The following UTP25 variants were observed in gnomAD, a reference collection of about 807,000 sequenced individuals.
UTP25 encodes U3 small nucleolar RNA-associated protein 25 homolog.
UTP25 carries 50 observed loss-of-function variants against 78.9 expected under a neutral mutation model. That is an observed-to-expected ratio of 0.63 (90% CI 0.50 to 0.80). UTP25 has a LOEUF of 0.80. Among genes scored for constraint, UTP25 ranks in the 30% least tolerant of loss-of-function variants. UTP25 has a pLI of 0.00. For missense variants in UTP25, 846 were observed against 911.3 expected (o/e 0.93, Z 0.92); for synonymous variants, 329 against 336.5 (o/e 0.98, Z 0.24).
In UTP25 at chr1:209,840,963, A is replaced by G. The variant is rs754830610; in HGVS notation, c.1393A>G (p.Lys465Glu). 6.2e-7 allele frequency: 1 copy of G among 1,614,054 alleles called. No homozygotes were observed. Among genetic ancestry groups the G allele is most frequent in the Non-Finnish European group, 8.5e-7 (1 of 1,179,960 alleles). ...GACCATCATTGGTGGAGAAGGAGAG[A>G]AGAAGAGAGATTTTGACTTTCTGTC... ...LRTIIGGEGEKKRDFDFLSSI... is the reference protein window; with the variant it reads ...LRTIIGGEGEEKRDFDFLSSI... Residue 465 changes from lysine to glutamate, a missense_variant, in exon 8 of 12, where the codon AAG becomes GAG. Physicochemically the swap from Lys to Glu is moderately conservative, Grantham distance 56. Transcript: ENST00000491415.
chr1:209,837,064 G>A lies in UTP25; in HGVS notation c.915G>A (p.Glu305=). Residue 305 remains glutamate (E), a synonymous_variant, in exon 6 of 12, where the codon GAG becomes GAA. Transcript: ENST00000491415. ...GGACTGCTCTGAAGAACGGGGAAGA[G>A]ATCCGCCATGTGTATTGCCTGCATG... The part of the protein sequence containing the change: ...PERTALKNGE[E]IRHVYCLHVI... 2 of 1,614,160 alleles carry A rather than the reference G, an allele frequency of 1.2e-6. No homozygotes were observed. The highest frequency in any genetic ancestry group is 1.7e-6 in the Non-Finnish European group (2 of 1,180,016).
In UTP25 at chr1:209,857,151, T is replaced by C. The variant is rs2078283312; in HGVS notation, c.*5704T>C. The C allele has an allele frequency of 6.6e-6, 1 of 152,148 alleles. No homozygotes were observed. Among genetic ancestry groups the C allele is most frequent in the African/African-American group, 2.4e-5 (1 of 41,444 alleles). The allele number at this position is 152,148 out of a possible 1,614,324, so 9.4% of individuals were successfully genotyped here. On this transcript the variant is annotated 3_prime_UTR_variant, in exon 12 of 12. Coordinates refer to ENST00000491415, the MANE Select transcript of UTP25 (RefSeq NM_014388.7). Reference sequence around the variant, plus strand: ...AATTCCTTCAAGGATGGGGTGCTCATTGTGGCTTTTCTAATCATCTCTGAT... The same window carrying C: ...AATTCCTTCAAGGATGGGGTGCTCACTGTGGCTTTTCTAATCATCTCTGAT...
Position 209,842,610 on chromosome 1 carries a change from G to A in UTP25, c.1696G>A (p.Gly566Ser), listed in dbSNP as rs2078173999. The change falls in exon 10 of 12, where the codon GGC becomes AGC. Residue 566 changes from glycine to serine, a missense_variant. By Grantham distance (56) the Gly-to-Ser change is moderately conservative. Transcript: ENST00000491415. ...GGCCGTGAGGAATGTCCCAATGACA[G>A]GCTCTATCAGTCATGTCCTGGTGCA... ...QVAVRNVPMT[G>S]SISHVLVQLP... 4 of 1,613,820 alleles carry A rather than the reference G, an allele frequency of 2.5e-6. No homozygotes were observed. The highest frequency in any genetic ancestry group is 2.5e-6 in the Non-Finnish European group (3 of 1,179,946).
rs2102564826 is a variant in UTP25 at position 209,828,104 on chromosome 1, A to T, written c.41A>T (p.Asn14Ile). The T allele has an allele frequency of 1.2e-6, 2 of 1,614,166 alleles. No individual in the cohort carries two copies. Among genetic ancestry groups the T allele is most frequent in the East Asian group, 4.5e-5 (2 of 44,870 alleles). Residue 14 changes from asparagine (N) to isoleucine (I), a missense_variant, in exon 1 of 12, where the codon AAC becomes ATC. Transcript: ENST00000491415. ...AGCCGGAGCCAGAGCCAGCTACTCAACACCCTAACTAAAAAGCAGAAGAAA... is the reference window on the plus strand; with the variant it reads ...AGCCGGAGCCAGAGCCAGCTACTCATCACCCTAACTAAAAAGCAGAAGAAA... The part of the protein sequence containing the change: ...RGSRSQSQLL[N>I]TLTKKQKKHL...
intron 11 of UTP25, among the ~76,000 whole-genome samples, chr1:209,848,791 T>A (rs1340774653): frequency 6.6e-6 from 1 of 152,246 alleles, no homozygotes; most frequent in African/African-American, 2.4e-5. Context: ...CTTTTCTTGC[T>A]TTTTTGTGTC....
At position 209,857,374 on chromosome 1, in the gene UTP25, T is replaced by TA. The variant is rs1342755009; in HGVS notation, c.*5933dup. ...TGAAAAGTTATTCTTTTAATCTTAT[T>TA]AAAAAAGCAACCCATGCCCATTCCA... On this transcript the variant is annotated 3_prime_UTR_variant, in exon 12 of 12. Coordinates refer to ENST00000491415, the MANE Select transcript of UTP25 (RefSeq NM_014388.7). 1.3e-5 allele frequency: 2 copies of TA among 152,058 alleles called. No homozygotes were observed. Among genetic ancestry groups the TA allele is most frequent in the Non-Finnish European group, 2.9e-5 (2 of 68,024 alleles). The allele number at this position is 152,058 out of a possible 1,614,324, so 9.4% of individuals were successfully genotyped here.
chr1:209,834,160 A>T (rs185576289), intron 4 of UTP25, among the ~76,000 whole-genome samples: 10 of 152,338 alleles, frequency 6.6e-5, no homozygotes, highest in Non-Finnish European at 1.5e-4. Context: ...CTTTGGAGGA[A>T]ACATTAGGAA....
Position 209,836,891 on chromosome 1 carries a change from C to A in UTP25, c.742C>A (p.His248Asn). 6.2e-7 allele frequency: 1 copy of A among 1,614,130 alleles called. No homozygotes were observed. The highest frequency in any genetic ancestry group is 8.5e-7 in the Non-Finnish European group (1 of 1,180,000). Residue 248 changes from histidine to asparagine, a missense_variant, in exon 6 of 12, where the codon CAT becomes AAT. Physicochemically the swap from His to Asn is moderately conservative, Grantham distance 68 (BLOSUM62 1). Transcript: ENST00000491415. ...PPKDIDLKSL[H>N]LQKPLESTWT... ...AAAGGATATTGACTTAAAGTCACTT[C>A]ATCTCCAGAAGCCTCTGGAATCCAC...
chr1:209,830,514 AAG>A (rs1553250540), intron 2 of UTP25, among the ~76,000 whole-genome samples: 1 of 151,716 alleles, frequency 6.6e-6, no homozygotes, highest in African/African-American at 2.4e-5. Flanking sequence ...AAAAAAAAAA[AAG>A]AAACCTGTTT....
intron 6 of UTP25, among the ~76,000 whole-genome samples, chr1:209,837,921 G>A (rs555607417): frequency 4.7e-4 from 72 of 152,296 alleles, no homozygotes; most frequent in Non-Finnish European, 9.7e-4. Flanking sequence ...TTCTCATTGA[G>A]TTTAATAGGA....
In UTP25 at chr1:209,851,259, C is replaced by T. The variant is rs1417301680; in HGVS notation, c.2083C>T (p.His695Tyr). 2 of 1,614,068 alleles carry T rather than the reference C, an allele frequency of 1.2e-6. No homozygotes were observed. Among genetic ancestry groups the T allele is most frequent in the African/African-American group, 2.7e-5 (2 of 74,932 alleles). Reference sequence around the variant, plus strand: ...TTTCTATGAACTGCCGACATATCCACACTTTTACAGTGAAATCTGTAATAT... The same window carrying T: ...TTTCTATGAACTGCCGACATATCCATACTTTTACAGTGAAATCTGTAATAT... Reference protein sequence around the residue: ...LIFYELPTYPHFYSEICNMLR... With the variant: ...LIFYELPTYPYFYSEICNMLR... The change falls in exon 12 of 12, where the codon CAC (histidine) becomes TAC (tyrosine). Residue 695 changes from histidine (H) to tyrosine (Y), a missense_variant. His to Tyr is a moderately conservative substitution (Grantham distance 83). Transcript: ENST00000491415.
chr1:209,839,853 C>T (rs1375397030), intron 7 of UTP25, among the ~76,000 whole-genome samples: 4 of 152,156 alleles, frequency 2.6e-5, no homozygotes, highest in Non-Finnish European at 4.4e-5. Context: ...ATGTGTGCAA[C>T]GGTTGTTCTC....
rs953941900 is a variant in UTP25 at position 209,857,520 on chromosome 1, G to T, written c.*6073G>T. 1 of 152,122 alleles carries T rather than the reference G, an allele frequency of 6.6e-6. No homozygotes were observed. The highest frequency in any genetic ancestry group is 2.4e-5 in the African/African-American group (1 of 41,398). 9.4% of individuals were successfully genotyped at this position (152,122 alleles called of 1,614,324 possible). On this transcript the variant is annotated 3_prime_UTR_variant, in exon 12 of 12. Coordinates refer to ENST00000491415, the MANE Select transcript of UTP25 (RefSeq NM_014388.7). The stretch of plus-strand genomic sequence containing the variant: ...ATGAATAATAACCAACAATGTGTGT[G>T]TATGTATATATATGCTTTTGCATTA...
rs1024311380 is a variant in UTP25 at position 209,830,177 on chromosome 1, T to C, written c.147+30T>C. The C allele has an allele frequency of 3.8e-6, 6 of 1,598,532 alleles. No individual in the cohort carries two copies. In the Admixed American group the frequency reaches 1.0e-4, roughly 27 times the overall value. The stretch of plus-strand genomic sequence containing the variant: ...TGCTTTCTACCTTCTTTTTAATAGT[T>C]GGTTTTGGGTTGTTCCCACTAAGAT... On this transcript the variant is annotated intron_variant, in intron 2 of 11. Transcript: ENST00000491415.
chr1:209,846,408 G>A (rs2078197111), intron 11 of UTP25, among the ~76,000 whole-genome samples: 2 of 152,138 alleles, frequency 1.3e-5, no homozygotes, highest in South Asian at 4.1e-4. Flanking sequence ...TCCACAGCAG[G>A]GAGGATCTCA....
intron 11 of UTP25, among the ~76,000 whole-genome samples, chr1:209,848,869 G>A (rs920437599): frequency 9.2e-5 from 14 of 152,284 alleles, no homozygotes; most frequent in South Asian, 2.1e-4. Context: ...CACCCCTTCC[G>A]TAGGCCACTG....
rs2078248575 is a variant in UTP25, at chr1:209,852,716, T to G, written c.*1269T>G. 1.3e-5 allele frequency: 2 copies of G among 151,846 alleles called. No individual in the cohort carries two copies. Among genetic ancestry groups the G allele is most frequent in the Non-Finnish European group, 2.9e-5 (2 of 67,948 alleles). 9.4% of individuals were successfully genotyped at this position (151,846 alleles called of 1,614,324 possible). ...AGGAAATTATTATAAAAGGTTAGAT[T>G]GGAGTGCTTACTATTGTGGTGCCAC... On this transcript the variant is annotated 3_prime_UTR_variant, in exon 12 of 12. Coordinates refer to ENST00000491415, the MANE Select transcript of UTP25 (RefSeq NM_014388.7).
intron 11 of UTP25, 171 bp downstream of exon 11, chr1:209,843,867 T>A: frequency 1.1e-6 from 1 of 889,598 alleles, no homozygotes; most frequent in Non-Finnish European, 1.7e-6. Flanking sequence ...CTTGGTTGGT[T>A]AGTTGGTTTT....
Position 209,837,222 on chromosome 1 carries a change from C to A in UTP25, c.1062+11C>A. 6.2e-7 allele frequency: 1 copy of A among 1,608,026 alleles called. No homozygotes were observed. Among genetic ancestry groups the A allele is most frequent in the Non-Finnish European group, 8.5e-7 (1 of 1,176,292 alleles). ...TTAACAAGGCCCAAGGTGAGTCCAG[C>A]AGGAAAGCTTTGCTCTCGAGGAGGT... is the stretch of plus-strand genomic sequence containing the variant. On this transcript the variant is annotated intron_variant, in intron 6 of 11. Transcript: ENST00000491415.
Sources: gnomAD v4.1 joint callset for allele counts (sites outside exome capture counted in the v4.1 genomes callset) on GRCh38, gnomAD v4.1.1 for gene constraint, MANE v1.5 for transcripts, NCBI Gene and HGNC (gene_info 2026-07-23, HGNC 2026-07-21) for gene names.